MRAP2: variants seen among roughly 807,000 people sequenced by gnomAD.
MRAP2 encodes the protein melanocortin 2 receptor accessory protein 2.
A neutral mutation model predicts 17.4 loss-of-function variants in MRAP2; 20 were observed. The ratio of observed to expected loss-of-function variants is 1.15; its 90% confidence interval spans 0.81 to 1.67. The LOEUF (loss-of-function observed/expected upper bound fraction) is 1.67. MRAP2 is among the 40% of genes most tolerant of loss of function. MRAP2 has a pLI of 0.00. For synonymous variants in MRAP2, 96 were observed against 88.4 expected (o/e 1.09, Z -0.48); for missense variants, 238 against 240.0 (o/e 0.99, Z 0.05).
chr6:84,063,137 G>C (rs546966257), intron 3 of MRAP2, 145 bp downstream of exon 3: 23 of 1,462,280 alleles, frequency 1.6e-5, no homozygotes, highest in Non-Finnish European at 6.3e-6. Context: ...GATGCCCGTG[G>C]ATGGGATCCA....
At chr6:84,099,656 C>T in the MRAP2 span, among the ~76,000 whole-genome samples, 1 of 152,078 alleles carries the variant, frequency 6.6e-6, no homozygotes, top group Admixed American at 6.5e-5. Flanking sequence ...TGCACCTGCT[C>T]CCCCTGTGCC....
chr6:84,067,992 A>G (rs934213777), intron 3 of MRAP2, among the ~76,000 whole-genome samples: 3 of 152,232 alleles, frequency 2.0e-5, no homozygotes, highest in Admixed American at 1.3e-4. Flanking sequence ...CGTTTTTCCA[A>G]TGTTATCTTC....
At chr6:84,098,780 G>A in the MRAP2 span, among the ~76,000 whole-genome samples, 1 of 152,008 alleles carries the variant, frequency 6.6e-6, no homozygotes, top group African/African-American at 2.4e-5. Flanking sequence ...TCAAGTCTTT[G>A]TCCCATTGTT....
the MRAP2 span, among the ~76,000 whole-genome samples, chr6:84,121,671 A>C: frequency 6.6e-6 from 1 of 152,164 alleles, no homozygotes; most frequent in African/African-American, 2.4e-5. Flanking sequence ...GCACAAGTAC[A>C]TAAAAACAAA....
chr6:84,113,518 T>TG, the MRAP2 span, among the ~76,000 whole-genome samples: 1 of 152,204 alleles, frequency 6.6e-6, no homozygotes, highest in Non-Finnish European at 1.5e-5. Context: ...AGCACACTGA[T>TG]GGGTCTTGAC....
At chr6:84,073,888 G>GT (rs71549596) in intron 3 of MRAP2, among the ~76,000 whole-genome samples, 39,055 of 137,716 alleles carry the variant, frequency 0.28, 5,891 homozygotes, top group African/African-American at 0.43. Context: ...GTGTGTGTGT[G>GT]TTTTTTTTTT....
chr6:84,100,956 T>C, the MRAP2 span, among the ~76,000 whole-genome samples: 1 of 151,010 alleles, frequency 6.6e-6, no homozygotes, highest in Admixed American at 6.6e-5. Context: ...GTTTATTCTA[T>C]TGTTTGATGT....
chr6:84,083,067 G>C (rs1023831341), intron 3 of MRAP2, among the ~76,000 whole-genome samples: 3 of 151,878 alleles, frequency 2.0e-5, no homozygotes, highest in African/African-American at 7.3e-5. Context: ...AATAGAAAAA[G>C]AGTACAGAGA....
At chr6:84,049,689 A>G (rs747329467) in intron 1 of MRAP2, among the ~76,000 whole-genome samples, 4 of 152,118 alleles carry the variant, frequency 2.6e-5, no homozygotes, top group Non-Finnish European at 4.4e-5. Flanking sequence ...TTGATCTTCT[A>G]TTGGCATTGA....
intron 3 of MRAP2, among the ~76,000 whole-genome samples, chr6:84,080,147 C>T (rs2099498614): frequency 6.6e-6 from 1 of 152,050 alleles, no homozygotes; most frequent in Non-Finnish European, 1.5e-5. Flanking sequence ...CATTCTTCTG[C>T]CTCAGCCTCC....
At chr6:84,084,964 A>G (rs1161977122) in intron 3 of MRAP2, among the ~76,000 whole-genome samples, 2 of 121,134 alleles carry the variant, frequency 1.7e-5, no homozygotes, top group African/African-American at 6.7e-5. Flanking sequence ...TTATTTTATT[A>G]TACTTTAAGT....
chr6:84,078,077 T>C lies in MRAP2; in HGVS notation c.228-11014T>C, dbSNP rs2099498044. Among the ~76,000 whole-genome samples, 5 of 152,178 alleles carry C rather than the reference T, an allele frequency of 3.3e-5. No individual in the cohort carries two copies. The South Asian group carries it at 6.2e-4, about 19-fold the overall frequency. On this transcript the variant is annotated intron_variant, in intron 3 of 3. Coordinates refer to ENST00000257776, the MANE Select transcript of MRAP2 (RefSeq NM_138409.4). ...GCATAGGAGAATATCTTCATGATGTTAGGGTAGGCAATTGTGTCTTAGAGA... is the reference window on the plus strand; with the variant it reads ...GCATAGGAGAATATCTTCATGATGTCAGGGTAGGCAATTGTGTCTTAGAGA...
chr6:84,134,913 CAT>C, the MRAP2 span, among the ~76,000 whole-genome samples: 89 of 89,542 alleles, frequency 9.9e-4, no homozygotes, highest in Middle Eastern at 6.3e-3. Context: ...ATGAAAAGAT[CAT>C]ATATACACAC....
At chr6:84,046,784 A>C (rs1373351290) in intron 1 of MRAP2, among the ~76,000 whole-genome samples, 1 of 149,358 alleles carries the variant, frequency 6.7e-6, no homozygotes, top group African/African-American at 2.5e-5. Flanking sequence ...CCATCTCAAA[A>C]AAAAAAAAAA....
At chr6:84,063,036 G>A in intron 3 of MRAP2, 44 bp downstream of exon 3, 1 of 1,613,000 alleles carries the variant, frequency 6.2e-7, no homozygotes, top group Non-Finnish European at 8.5e-7. Context: ...CCTCACAGGA[G>A]ACTGAGGAAA....
At chr6:84,108,491 G>C in the MRAP2 span, among the ~76,000 whole-genome samples, 14 of 151,868 alleles carry the variant, frequency 9.2e-5, no homozygotes, top group East Asian at 1.2e-3. Flanking sequence ...TTCAAGAAGT[G>C]TCTGTTCATG....
chr6:84,062,682 C>T, intron 2 of MRAP2: 9 of 985,432 alleles, frequency 9.1e-6, no homozygotes, highest in Non-Finnish European at 1.1e-5. Flanking sequence ...TAAATCCCTT[C>T]ATGCTATCTG....
At chr6:84,130,072 G>A in the MRAP2 span, among the ~76,000 whole-genome samples, 4 of 152,098 alleles carry the variant, frequency 2.6e-5, no homozygotes, top group Admixed American at 6.5e-5. Context: ...TAGCATGAAC[G>A]GCTGTTGAAT....
chr6:84,115,902 G>A, the MRAP2 span, among the ~76,000 whole-genome samples: 1 of 152,084 alleles, frequency 6.6e-6, no homozygotes, highest in Non-Finnish European at 1.5e-5. Context: ...CCCTCCATGA[G>A]CTGCACCCAC....
Sources: allele counts gnomAD v4.1 joint callset (sites outside exome capture counted in the v4.1 genomes callset), GRCh38; gene constraint gnomAD v4.1.1; transcripts MANE v1.5; gene names NCBI Gene and HGNC (gene_info 2026-07-23, HGNC 2026-07-21).